The following USP10 variants were observed in gnomAD, a reference collection of about 807,000 sequenced individuals.
USP10 encodes ubiquitin carboxyl-terminal hydrolase 10.
A neutral mutation model predicts 84.5 loss-of-function variants in USP10; 22 were observed. The observed-to-expected ratio is 0.26, with a 90% CI of 0.19 to 0.37. The LOEUF (loss-of-function observed/expected upper bound fraction) is 0.37. Among genes scored for constraint, USP10 ranks in the 10% least tolerant of loss-of-function variants. The pLI, the probability that USP10 is intolerant of heterozygous loss-of-function variation, is 1.00. For synonymous variants in USP10, 454 were observed against 387.6 expected, an observed-to-expected ratio of 1.17 and a Z score of -2.01; for missense variants, 1,019 against 998.9, an observed-to-expected ratio of 1.02 and a Z score of -0.27.
At position 84,730,607 on chromosome 16, in the gene USP10, G is replaced by T. The variant is rs116919724; in HGVS notation, c.22-2828G>T. Among the ~76,000 whole-genome samples the T allele has an allele frequency of 1.5e-3, 221 of 152,284 alleles. 2 individuals are homozygous for T. In the East Asian group the frequency reaches 0.03, roughly 21 times the overall value. Reference sequence around the variant, plus strand: ...CGCTGACTCATGCTGAAGCCACTTGGTGTCTGCGTTTGAAACAGGAAGTGT... The same window carrying T: ...CGCTGACTCATGCTGAAGCCACTTGTTGTCTGCGTTTGAAACAGGAAGTGT... On this transcript the variant is annotated intron_variant, in intron 1 of 13. Transcript: ENST00000219473.
intron 12 of USP10, 128 bp from the exon 13 acceptor site, chr16:84,775,032 G>T (rs768632158): frequency 2.6e-6 from 2 of 772,562 alleles, no homozygotes; most frequent in Non-Finnish European, 4.5e-6. Flanking sequence ...TGAAGGGATA[G>T]AGTGTTGTTT....
chr16:84,722,691 C>A (rs755840248), intron 1 of USP10, among the ~76,000 whole-genome samples: 1 of 152,062 alleles, frequency 6.6e-6, no homozygotes, highest in Non-Finnish European at 1.5e-5. Context: ...TCCCGAGTAG[C>A]TGGGATTACA....
intron 1 of USP10, among the ~76,000 whole-genome samples, chr16:84,722,836 G>A (rs1306413668): frequency 6.6e-6 from 1 of 152,164 alleles, no homozygotes; most frequent in Non-Finnish European, 1.5e-5. Flanking sequence ...GATTACAGGT[G>A]TGAGCCACTG....
chr16:84,766,868 A>C (rs1355376007), intron 10 of USP10, among the ~76,000 whole-genome samples: 2 of 152,208 alleles, frequency 1.3e-5, no homozygotes, highest in Non-Finnish European at 2.9e-5. Context: ...ATGATTCTTT[A>C]TTCACACCAA....
intron 1 of USP10, chr16:84,732,330 A>G: frequency 8.8e-6 from 3 of 340,638 alleles, no homozygotes; most frequent in South Asian, 6.7e-5. Flanking sequence ...TTTTATACCC[A>G]GTACTGATCA....
intron 2 of USP10, among the ~76,000 whole-genome samples, chr16:84,735,522 C>G (rs1417580653): frequency 6.6e-6 from 1 of 152,100 alleles, no homozygotes; most frequent in African/African-American, 2.4e-5. Context: ...TTTCTTTTCT[C>G]TTTCTTTTGT....
At chr16:84,766,305 T>C (rs1197893804) in intron 10 of USP10, among the ~76,000 whole-genome samples, 1 of 152,280 alleles carries the variant, frequency 6.6e-6, no homozygotes, top group Admixed American at 6.5e-5. Flanking sequence ...TCTATTCCAC[T>C]GGCCCCTTTC....
At chr16:84,742,378 T>C (rs1289867399) in intron 3 of USP10, among the ~76,000 whole-genome samples, 2 of 152,184 alleles carry the variant, frequency 1.3e-5, no homozygotes, top group African/African-American at 4.8e-5. Context: ...TTCTCTCCCC[T>C]CCCTCCATGT....
chr16:84,778,280 G>A (rs1266161022), intron 13 of USP10, among the ~76,000 whole-genome samples: 1 of 152,160 alleles, frequency 6.6e-6, no homozygotes, highest in South Asian at 2.1e-4. Flanking sequence ...CCGGGAGATT[G>A]TGTCCCGTGT....
chr16:84,772,582 T>C lies in USP10; in HGVS notation c.2040T>C (p.Pro680=). The part of the protein sequence containing the change: ...SRRVTLEKLP[P]VLVLHLKRFV... ...GAGTGACTCTGGAAAAACTCCCTCCTGTCCTCGTGCTGCACCTGAAACGAT... is the reference window on the plus strand; with the variant it reads ...GAGTGACTCTGGAAAAACTCCCTCCCGTCCTCGTGCTGCACCTGAAACGAT... The change falls in exon 12 of 14, where the codon CCT becomes CCC. Residue 680 remains proline, a synonymous_variant. Transcript: ENST00000219473. 3 of 1,613,990 alleles carry C rather than the reference T, an allele frequency of 1.9e-6. No individual in the cohort carries two copies. The highest frequency in any genetic ancestry group is 2.5e-6 in the Non-Finnish European group (3 of 1,179,860).
At chr16:84,747,529 C>CA (rs1055222746) in intron 4 of USP10, among the ~76,000 whole-genome samples, 1 of 135,720 alleles carries the variant, frequency 7.4e-6, no homozygotes, top group African/African-American at 2.7e-5. Context: ...TTTTGGGCTT[C>CA]ATATATATTT....
At chr16:84,721,579 G>A (rs61123209) in intron 1 of USP10, among the ~76,000 whole-genome samples, 24,380 of 152,190 alleles carry the variant, frequency 0.16, 2,210 homozygotes, top group East Asian at 0.31. Flanking sequence ...CCAGGCTGGA[G>A]TGCAGTGGTG....
intron 3 of USP10, among the ~76,000 whole-genome samples, chr16:84,742,662 C>G (rs1171034019): frequency 6.6e-6 from 1 of 152,210 alleles, no homozygotes; most frequent in Non-Finnish European, 1.5e-5. Flanking sequence ...GGCCGTCCTG[C>G]ACTTCGTCTG....
rs79054764 is a variant in USP10 at position 84,743,054 on chromosome 16, C to G, written c.152-1579C>G. Among the ~76,000 whole-genome samples, 1,433 of 152,310 alleles carry G rather than the reference C, an allele frequency of 9.4e-3. 16 individuals are homozygous for G. The highest frequency in any genetic ancestry group is 0.032 in the African/African-American group (1,324 of 41,576). ...CCGCCCCAGGCACACCCGTTTCAAT[C>G]TGGGGAGCCTTGACGGCCCCAGAAC... is the stretch of plus-strand genomic sequence containing the variant. On this transcript the variant is annotated intron_variant, in intron 3 of 13. Coordinates refer to ENST00000219473, the MANE Select transcript of USP10 (RefSeq NM_005153.3).
chr16:84,775,264 A>G (rs767572484), intron 13 of USP10, 39 bp downstream of exon 13: 2 of 1,593,226 alleles, frequency 1.3e-6, no homozygotes, highest in Non-Finnish European at 1.7e-6. Context: ...TCATTAAAAC[A>G]CTGATGAAGG....
chr16:84,749,764 A>G (rs768934435), intron 4 of USP10, among the ~76,000 whole-genome samples: 63 of 152,354 alleles, frequency 4.1e-4, no homozygotes, highest in Middle Eastern at 3.4e-3. Context: ...AGAATCACGT[A>G]TAAGGGATTT....
At chr16:84,777,788 A>T (rs1450686834) in intron 13 of USP10, among the ~76,000 whole-genome samples, 1 of 152,176 alleles carries the variant, frequency 6.6e-6, no homozygotes, top group African/African-American at 2.4e-5. Flanking sequence ...GTCTTGTTTT[A>T]GTGCTGAAAT....
chr16:84,735,543 G>GA (rs1351316731), intron 2 of USP10, among the ~76,000 whole-genome samples: 1 of 151,198 alleles, frequency 6.6e-6, no homozygotes, highest in African/African-American at 2.4e-5. Flanking sequence ...TTTTTAAATT[G>GA]AAAAAATGCA....
rs544967542 is a variant in USP10, at chr16:84,713,989, C to A, written c.21+13878C>A. 1.4e-4 allele frequency among the ~76,000 whole-genome samples: 22 copies of A among 152,336 alleles called. 1 individual carries two copies. The highest frequency in any genetic ancestry group is 5.3e-4 in the African/African-American group (22 of 41,572). ...GGTGGATGGGTGCGTCTTGTAGGCTCTGCTAGAGCCTTTTAGCCTGAAAAG... is the reference window on the plus strand; with the variant it reads ...GGTGGATGGGTGCGTCTTGTAGGCTATGCTAGAGCCTTTTAGCCTGAAAAG... On this transcript the variant is annotated intron_variant, in intron 1 of 13. Transcript: ENST00000219473.
Sources: gnomAD v4.1 joint callset for allele counts (sites outside exome capture counted in the v4.1 genomes callset) on GRCh38, gnomAD v4.1.1 for gene constraint, MANE v1.5 for transcripts, NCBI Gene and HGNC (gene_info 2026-07-23, HGNC 2026-07-21) for gene names.